TNS1: variants seen among roughly 807,000 people sequenced by gnomAD.
TNS1 encodes tensin-1.
In TNS1, 62 loss-of-function variants were observed where a neutral mutation model predicts 168.6. The observed-to-expected ratio is 0.37, with a 90% CI of 0.30 to 0.45. The LOEUF (loss-of-function observed/expected upper bound fraction) is 0.45, where lower values mean the gene tolerates loss of function less well. Among genes scored for constraint, TNS1 ranks in the 20% least tolerant of loss-of-function variants. The probability of loss-of-function intolerance (pLI) is 1.00; values close to 1 mark genes in which losing one functional copy is unlikely to be tolerated. For synonymous variants in TNS1, 934 were observed against 933.2 expected, an observed-to-expected ratio of 1.00 and a Z score of -0.02; for missense variants, 2,240 against 2,339.4, an observed-to-expected ratio of 0.96 and a Z score of 0.88.
intron 3 of TNS1, among the ~76,000 whole-genome samples, chr2:217,936,786 C>G (rs1956631398): frequency 6.6e-6 from 1 of 152,108 alleles, no homozygotes; most frequent in Non-Finnish European, 1.5e-5. Context: ...CATTTTAAGC[C>G]TCCATATACT....
At chr2:217,958,951 T>C (rs577858237) in intron 3 of TNS1, among the ~76,000 whole-genome samples, 2 of 152,362 alleles carry the variant, frequency 1.3e-5, no homozygotes, top group East Asian at 1.9e-4. Flanking sequence ...CCAGTTTTCA[T>C]GGCAGCCCAG....
At chr2:217,913,669 A>C (rs1442221096) in intron 4 of TNS1, among the ~76,000 whole-genome samples, 1 of 152,146 alleles carries the variant, frequency 6.6e-6, no homozygotes, top group Admixed American at 6.5e-5. Flanking sequence ...TCAGGGACCC[A>C]GGATAGCCCT....
intron 3 of TNS1, chr2:217,937,178 A>C: frequency 4.7e-6 from 1 of 212,154 alleles, no homozygotes; most frequent in Non-Finnish European, 7.8e-6. Flanking sequence ...CACTCTGTCT[A>C]CTCCCCTACT....
intron 19 of TNS1, among the ~76,000 whole-genome samples, chr2:217,846,189 A>G (rs1327127912): frequency 6.6e-6 from 1 of 152,204 alleles, no homozygotes; most frequent in East Asian, 1.9e-4. Flanking sequence ...TGTTACTGCT[A>G]GGCCAGCTCT....
At chr2:217,841,062 GA>G in intron 19 of TNS1, 1 of 240,658 alleles carries the variant, frequency 4.2e-6, no homozygotes, top group Non-Finnish European at 6.7e-6. Flanking sequence ...AGAGGGAGAG[GA>G]AAAGACAGAG....
chr2:217,977,481 A>T (rs796864692), intron 3 of TNS1, among the ~76,000 whole-genome samples: 26 of 152,310 alleles, frequency 1.7e-4, no homozygotes, highest in African/African-American at 6.3e-4. Context: ...TTGGAGGAAG[A>T]TTCTTCCCAG....
At chr2:217,818,790 T>C (rs1350011320) in intron 23 of TNS1, 31 bp from the exon 24 acceptor site, 21 of 1,551,030 alleles carry the variant, frequency 1.4e-5, no homozygotes, top group Non-Finnish European at 1.8e-5. Context: ...GCGATGTCAG[T>C]GGACAGAACT....
At chr2:217,807,664 A>G (rs1939430443) in intron 32 of TNS1, among the ~76,000 whole-genome samples, 1 of 152,200 alleles carries the variant, frequency 6.6e-6, no homozygotes, top group African/African-American at 2.4e-5. Context: ...ACATTCTGAT[A>G]AGGCTGATTT....
intron 9 of TNS1, among the ~76,000 whole-genome samples, chr2:217,894,645 G>T (rs1026229904): frequency 4.6e-5 from 7 of 151,858 alleles, no homozygotes; most frequent in South Asian, 2.1e-4. Context: ...CGACAGAGGG[G>T]GACTGCATCT....
intron 32 of TNS1, among the ~76,000 whole-genome samples, chr2:217,805,950 T>C (rs555198397): frequency 1.3e-5 from 2 of 151,870 alleles, no homozygotes; most frequent in South Asian, 4.2e-4. Context: ...TCCAGTCTTG[T>C]TTCAGGGGCC....
chr2:217,942,192 G>A (rs1468772539), intron 3 of TNS1, among the ~76,000 whole-genome samples: 1 of 152,188 alleles, frequency 6.6e-6, no homozygotes, highest in Non-Finnish European at 1.5e-5. Context: ...CCAGGCGCCT[G>A]GAAGCAGAGG....
chr2:218,020,710 A>G (rs1340086452), intron 1 of TNS1, among the ~76,000 whole-genome samples: 1 of 152,130 alleles, frequency 6.6e-6, no homozygotes, highest in African/African-American at 2.4e-5. Flanking sequence ...GCAAAAAGTG[A>G]GTGTTTGCTA....
At chr2:217,809,492 C>G (rs141113484) in intron 30 of TNS1, among the ~76,000 whole-genome samples, 1,490 of 4,318 alleles carry the variant, frequency 0.35, 88 homozygotes, top group Admixed American at 0.36. Context: ...TGGATGGATG[C>G]ATGGATGGAT....
intron 1 of TNS1, among the ~76,000 whole-genome samples, chr2:218,001,236 C>T (rs1221813795): frequency 6.6e-6 from 1 of 152,140 alleles, no homozygotes; most frequent in African/African-American, 2.4e-5. Context: ...GACTCTTCCC[C>T]TTACTCTCAG....
intron 2 of TNS1, among the ~76,000 whole-genome samples, chr2:217,982,608 G>C (rs1958083779): frequency 6.6e-6 from 1 of 152,036 alleles, no homozygotes; most frequent in African/African-American, 2.4e-5. Context: ...TTTGCCATTT[G>C]CCCAGGCTGG....
chr2:217,824,306 A>C (rs1174331660), intron 22 of TNS1, among the ~76,000 whole-genome samples: 2 of 152,172 alleles, frequency 1.3e-5, no homozygotes, highest in Non-Finnish European at 2.9e-5. Flanking sequence ...GAACACTAGC[A>C]CCAAAGTCTC....
At chr2:217,998,209 C>G (rs1299539123) in intron 1 of TNS1, among the ~76,000 whole-genome samples, 1 of 138,738 alleles carries the variant, frequency 7.2e-6, no homozygotes, top group Admixed American at 7.6e-5. Flanking sequence ...TAGATGAGTT[C>G]TCTCCATCAG....
chr2:217,990,268 A>G (rs1559403560), intron 2 of TNS1, among the ~76,000 whole-genome samples: 1 of 143,948 alleles, frequency 6.9e-6, no homozygotes, highest in South Asian at 2.3e-4. Flanking sequence ...CTCAGCATAC[A>G]TCATCCACAC....
chr2:217,919,347 G>A (rs1391840670), intron 4 of TNS1, among the ~76,000 whole-genome samples: 1 of 152,218 alleles, frequency 6.6e-6, no homozygotes, highest in African/African-American at 2.4e-5. Flanking sequence ...CCAGGCTCCT[G>A]CCGACATTAG....
Sources: gnomAD v4.1 joint callset for allele counts (sites outside exome capture counted in the v4.1 genomes callset) on GRCh38, gnomAD v4.1.1 for gene constraint, MANE v1.5 for transcripts, NCBI Gene and HGNC (gene_info 2026-07-23, HGNC 2026-07-21) for gene names.